Variants in HEXA observed in about 807,000 individuals in gnomAD.
HEXA encodes the protein beta-hexosaminidase subunit alpha.
HEXA carries 54 observed loss-of-function variants against 73.3 expected under a neutral mutation model. The ratio of observed to expected loss-of-function variants is 0.74; its 90% CI spans 0.59 to 0.92. The LOEUF is 0.92. HEXA is among the 40% of genes least tolerant of loss of function. The pLI is 0.00. For synonymous variants in HEXA, 230 were observed against 246.9 expected (o/e 0.93, Z 0.64); for missense variants, 649 against 653.0 (o/e 0.99, Z 0.07).
chr15:72,344,528 C>T (rs1261867022), intron 13 of HEXA, among the ~76,000 whole-genome samples: 1 of 152,168 alleles, frequency 6.6e-6, no homozygotes, highest in Non-Finnish European at 1.5e-5. Flanking sequence ...CTCTAAAATG[C>T]TGTAAATATG....
chr15:72,358,210 A>G (rs1242865547), intron 1 of HEXA: 1 of 152,086 alleles, frequency 6.6e-6, no homozygotes, highest in African/African-American at 2.4e-5. Context: ...CCAACCCCAC[A>G]CATCATGGAG....
chr15:72,359,445 A>C (rs2088824107), intron 1 of HEXA: 2 of 152,176 alleles, frequency 1.3e-5, no homozygotes, highest in African/African-American at 4.8e-5. Flanking sequence ...CCATGATCTC[A>C]GCACTTTGGG....
rs182303805 is a variant in HEXA, at chr15:72,348,221, T to G, written c.987-87A>C. The G allele has an allele frequency of 3.2e-5, 28 of 880,420 alleles. No homozygotes were observed. The South Asian group carries it at 3.8e-4, about 12-fold the overall frequency. 54.5% of individuals were successfully genotyped at this position (880,420 alleles called of 1,614,324 possible). ...ATTAGTCACCTGGCCCCCTATAACTTCCTCTTTTCACCTGAAAAATCAAAT... is the reference window on the plus strand; with the variant it reads ...ATTAGTCACCTGGCCCCCTATAACTGCCTCTTTTCACCTGAAAAATCAAAT... On this transcript the variant is annotated intron_variant, in intron 8 of 13. Coordinates refer to ENST00000268097, the MANE Select transcript of HEXA (RefSeq NM_000520.6).
intron 13 of HEXA, 86 bp from the exon 14 acceptor site, chr15:72,344,226 T>G: frequency 1.1e-6 from 1 of 905,068 alleles, no homozygotes; most frequent in Non-Finnish European, 1.8e-6. Context: ...CAGTCTCTCC[T>G]TCCCCATTTC....
intron 1 of HEXA, among the ~76,000 whole-genome samples, chr15:72,363,268 C>T (rs1025104318): frequency 3.3e-5 from 5 of 152,240 alleles, no homozygotes; most frequent in Admixed American, 6.5e-5. Flanking sequence ...TGGTCCCTGC[C>T]CTTGAGGAGA....
intron 1 of HEXA, among the ~76,000 whole-genome samples, chr15:72,374,836 A>G (rs1359059916): frequency 6.6e-6 from 1 of 151,666 alleles, no homozygotes; most frequent in Non-Finnish European, 1.5e-5. Flanking sequence ...TCAACCCCAC[A>G]TTTTCCCCAC....
At chr15:72,362,894 A>G (rs1365903667) in intron 1 of HEXA, among the ~76,000 whole-genome samples, 2 of 151,986 alleles carry the variant, frequency 1.3e-5, no homozygotes, top group African/African-American at 4.8e-5. Flanking sequence ...AGCACTATGG[A>G]AAAAAAACAC....
intron 1 of HEXA, among the ~76,000 whole-genome samples, chr15:72,365,703 C>T (rs2088907580): frequency 6.6e-6 from 1 of 151,858 alleles, no homozygotes; most frequent in South Asian, 2.1e-4. Flanking sequence ...TATTTTTTTC[C>T]CAATTGGATA....
Position 72,353,235 on chromosome 15 carries a change from C to A in HEXA, c.460-57G>T, listed in dbSNP as rs904857940. 19 of 1,007,062 alleles carry A rather than the reference C, an allele frequency of 1.9e-5. No individual in the cohort carries two copies. In the African/African-American group the frequency reaches 2.9e-4, roughly 15 times the overall value. 62.4% of individuals were successfully genotyped at this position (1,007,062 alleles called of 1,614,324 possible). ...TCAAAGGAAGCTTACTATGGGGGCA[C>A]AGGGAGATGAAGACAACTCTCCCAG... is the stretch of plus-strand genomic sequence containing the variant. On this transcript the variant is annotated intron_variant, in intron 4 of 13. Coordinates refer to ENST00000268097, the MANE Select transcript of HEXA (RefSeq NM_000520.6).
chr15:72,364,361 G>A (rs573016308), intron 1 of HEXA, among the ~76,000 whole-genome samples: 2 of 152,108 alleles, frequency 1.3e-5, no homozygotes, highest in East Asian at 3.9e-4. Flanking sequence ...ACCAAAATGA[G>A]CTGTAGATCT....
intron 1 of HEXA, among the ~76,000 whole-genome samples, chr15:72,368,102 C>T (rs2088941541): frequency 6.6e-6 from 1 of 152,108 alleles, no homozygotes; most frequent in South Asian, 2.1e-4. Flanking sequence ...ATAAATACTA[C>T]CTGTACTAAG....
At chr15:72,362,072 T>C (rs2088858882) in intron 1 of HEXA, among the ~76,000 whole-genome samples, 1 of 152,244 alleles carries the variant, frequency 6.6e-6, no homozygotes, top group African/African-American at 2.4e-5. Context: ...AAATGCCTTG[T>C]CTTTTTCTGC....
rs146938346 is a variant in HEXA, at chr15:72,375,963, A to G, written c.10T>C (p.Ser4Pro). ...AGCAGCAGCGAAAACCAAAGCCTGG[A>G]GCTTGTCATGGCCCGCTGGTCTCCC... MTS[S>P]RLWFSLLLAA... The change falls in exon 1 of 14, where the codon TCC becomes CCC. Residue 4 changes from serine (S) to proline (P), a missense_variant. Physicochemically the swap from Ser to Pro is moderately conservative, Grantham distance 74. Transcript: ENST00000268097. 349 of 1,613,146 alleles carry G rather than the reference A, an allele frequency of 2.2e-4. No homozygotes were observed. The highest frequency in any genetic ancestry group is 2.8e-4 in the Non-Finnish European group (336 of 1,179,938).
In HEXA at chr15:72,344,083, C is replaced by A; in HGVS notation, c.1584G>T (p.Gln528His). ...NVGFCEQEFE[Q>H]T is the part of the protein sequence containing the mutation. ...CCTCCTCGGTGCCTGGGGCTCAGGT[C>A]TGTTCAAACTCCTGCTCACAGAAGC... The change falls in exon 14 of 14, where the codon CAG (glutamine) becomes CAT (histidine). Residue 528 changes from glutamine (Q) to histidine (H), a missense_variant. Physicochemically the swap from Gln to His is conservative, Grantham distance 24. Transcript: ENST00000268097. 6.2e-7 allele frequency: 1 copy of A among 1,613,738 alleles called. No individual in the cohort carries two copies. The highest frequency in any genetic ancestry group is 1.1e-5 in the South Asian group (1 of 91,060).
chr15:72,355,781 A>G (rs1299825504), intron 2 of HEXA, 157 bp from the exon 3 acceptor site: 10 of 653,226 alleles, frequency 1.5e-5, no homozygotes, highest in Non-Finnish European at 2.8e-5. Context: ...CCAGAGCAAG[A>G]CAGCTGTAGG....
chr15:72,344,653 C>G (rs1190964777), intron 13 of HEXA, among the ~76,000 whole-genome samples: 1 of 152,134 alleles, frequency 6.6e-6, no homozygotes, highest in Non-Finnish European at 1.5e-5. Flanking sequence ...AGGCATGCTT[C>G]CCTTATCATC....
intron 1 of HEXA, among the ~76,000 whole-genome samples, chr15:72,361,654 T>C (rs1398122884): frequency 6.6e-6 from 1 of 152,166 alleles, no homozygotes; most frequent in African/African-American, 2.4e-5. Flanking sequence ...AATCTCCTTC[T>C]TCTACACCTT....
Position 72,349,722 on chromosome 15 carries a change from C to T in HEXA, c.806-463G>A, listed in dbSNP as rs1014327919. Among the ~76,000 whole-genome samples the T allele has an allele frequency of 8.5e-5, 13 of 152,180 alleles. No homozygotes were observed. In the East Asian group the frequency reaches 9.6e-4, roughly 11 times the overall value. On this transcript the variant is annotated intron_variant, in intron 7 of 13. Transcript: ENST00000268097. ...CCTTGGCCCAGAGACTACTTCCTGA[C>T]GCTGAGGTCACAAGATATCTTCAGG...
chr15:72,374,607 T>A (rs992599914), intron 1 of HEXA, among the ~76,000 whole-genome samples: 7 of 152,160 alleles, frequency 4.6e-5, no homozygotes, highest in Non-Finnish European at 7.4e-5. Context: ...CTATACAATA[T>A]AACCAAAGAG....
Sources: gnomAD v4.1 joint callset for allele counts (sites outside exome capture counted in the v4.1 genomes callset) on GRCh38, gnomAD v4.1.1 for gene constraint, MANE v1.5 for transcripts, NCBI Gene and HGNC (gene_info 2026-07-23, HGNC 2026-07-21) for gene names.